The following MDGA2 variants were observed in gnomAD, a reference collection of about 807,000 sequenced individuals.
MDGA2 encodes MAM domain containing glycosylphosphatidylinositol anchor 2.
Under a neutral mutation model 117.8 loss-of-function variants are expected in MDGA2, and 40 were observed. That is an observed-to-expected ratio of 0.34 (90% CI 0.26 to 0.44). The LOEUF is 0.44. MDGA2 is among the 20% of genes least tolerant of loss of function. The pLI, the probability that MDGA2 is intolerant of heterozygous loss-of-function variation, is 1.00. For missense variants in MDGA2, 1,123 were observed against 1,250.6 expected (o/e 0.90, Z 1.54); for synonymous variants, 452 against 439.0 (o/e 1.03, Z -0.37).
At chr14:47,098,012 G>A (rs990614495) in intron 5 of MDGA2, among the ~76,000 whole-genome samples, 2 of 151,730 alleles carry the variant, frequency 1.3e-5, no homozygotes, top group Admixed American at 1.3e-4. Flanking sequence ...TGCCGTGCTA[G>A]CCTAAATAAT....
At chr14:47,403,931 G>C (rs972337818) in intron 1 of MDGA2, among the ~76,000 whole-genome samples, 4 of 152,028 alleles carry the variant, frequency 2.6e-5, no homozygotes, top group Non-Finnish European at 5.9e-5. Flanking sequence ...AGTGGGCTTT[G>C]CTAAGGCCTC....
At chr14:47,165,650 T>A (rs751053235) in intron 3 of MDGA2, among the ~76,000 whole-genome samples, 1 of 152,240 alleles carries the variant, frequency 6.6e-6, no homozygotes, top group African/African-American at 2.4e-5. Context: ...GAGCTGCTTA[T>A]ATAAATCAAA....
chr14:47,667,683 G>A (rs1247125290), intron 1 of MDGA2, among the ~76,000 whole-genome samples: 1 of 152,196 alleles, frequency 6.6e-6, no homozygotes, highest in Non-Finnish European at 1.5e-5. Context: ...GATCTCAGCT[G>A]TCTTTTGTGC....
chr14:47,236,311 A>AAAC (rs1566695130), intron 2 of MDGA2, among the ~76,000 whole-genome samples: 6 of 150,270 alleles, frequency 4.0e-5, no homozygotes, highest in Non-Finnish European at 3.0e-5. Context: ...AAAAAAAAAA[A>AAAC]AACAACACTG....
At chr14:46,924,499 T>C (rs1229862893) in intron 9 of MDGA2, among the ~76,000 whole-genome samples, 1 of 152,078 alleles carries the variant, frequency 6.6e-6, no homozygotes, top group African/African-American at 2.4e-5. Context: ...ATAGACTGTA[T>C]GAATATAAAC....
At chr14:47,055,886 T>C (rs78043555) in intron 7 of MDGA2, among the ~76,000 whole-genome samples, 1,697 of 152,200 alleles carry the variant, frequency 0.011, 31 homozygotes, top group African/African-American at 0.039. Flanking sequence ...CTTTACGAAA[T>C]GTTTGCCAGT....
intron 1 of MDGA2, among the ~76,000 whole-genome samples, chr14:47,370,151 AAC>A (rs1891314005): frequency 6.6e-6 from 1 of 152,056 alleles, no homozygotes; most frequent in Admixed American, 6.5e-5. Context: ...TAATGCATTC[AAC>A]AGTTACTCAT....
intron 10 of MDGA2, among the ~76,000 whole-genome samples, chr14:46,890,884 C>T (rs2138416858): frequency 6.6e-6 from 1 of 152,160 alleles, no homozygotes; most frequent in East Asian, 1.9e-4. Flanking sequence ...GAATCTAAAA[C>T]TTCCTACATA....
chr14:47,526,216 T>C (rs726365), intron 1 of MDGA2, among the ~76,000 whole-genome samples: 1 of 152,196 alleles, frequency 6.6e-6, no homozygotes, highest in Non-Finnish European at 1.5e-5. Context: ...TTAAATATGT[T>C]TTTTTCATTT....
intron 7 of MDGA2, among the ~76,000 whole-genome samples, chr14:47,040,157 C>T (rs986644275): frequency 1.3e-5 from 2 of 151,974 alleles, no homozygotes; most frequent in Non-Finnish European, 2.9e-5. Flanking sequence ...CATAGAGAAA[C>T]ACAGTACAAA....
At chr14:47,193,749 A>G (rs981148262) in intron 3 of MDGA2, among the ~76,000 whole-genome samples, 16 of 152,146 alleles carry the variant, frequency 1.1e-4, no homozygotes, top group Non-Finnish European at 2.1e-4. Flanking sequence ...AGAATGATAA[A>G]ATTGTGCTCC....
chr14:46,916,999 GTT>G (rs34698811), intron 10 of MDGA2, among the ~76,000 whole-genome samples: 2 of 149,500 alleles, frequency 1.3e-5, no homozygotes, highest in East Asian at 3.9e-4. Flanking sequence ...CTAGAAATAT[GTT>G]TTTTTTTTCC....
chr14:46,975,650 T>C (rs1207231520), intron 8 of MDGA2, among the ~76,000 whole-genome samples: 2 of 152,146 alleles, frequency 1.3e-5, no homozygotes, highest in African/African-American at 2.4e-5. Context: ...GTTAAACTTT[T>C]AGAGACAAAA....
chr14:46,894,233 A>C lies in MDGA2; in HGVS notation c.2239-12012T>G, dbSNP rs1053146924. Reference sequence around the variant, plus strand: ...GTAGATTAAACCAATAAACTTTCCCAGGTCATACAGTTGGTAAGAAGCAGA... The same window carrying C: ...GTAGATTAAACCAATAAACTTTCCCCGGTCATACAGTTGGTAAGAAGCAGA... On this transcript the variant is annotated intron_variant, in intron 10 of 16. Coordinates refer to ENST00000399232, the MANE Select transcript of MDGA2 (RefSeq NM_001113498.3). Among the ~76,000 whole-genome samples the C allele has an allele frequency of 5.9e-5, 9 of 152,242 alleles. No individual in the cohort carries two copies. The East Asian group carries it at 1.5e-3, about 26-fold the overall frequency.
At chr14:47,112,542 A>G (rs774180557) in intron 5 of MDGA2, among the ~76,000 whole-genome samples, 4 of 152,098 alleles carry the variant, frequency 2.6e-5, no homozygotes, top group South Asian at 2.1e-4. Flanking sequence ...AAATGGCTTT[A>G]AACTCCATCC....
intron 2 of MDGA2, among the ~76,000 whole-genome samples, chr14:47,281,205 T>TC (rs60445969): frequency 0.072 from 10,855 of 151,596 alleles, 485 homozygotes; most frequent in South Asian, 0.13. Context: ...TATTTTTTTT[T>TC]CAATTAGAAT....
intron 5 of MDGA2, among the ~76,000 whole-genome samples, chr14:47,110,113 A>G: frequency 6.6e-6 from 1 of 152,134 alleles, no homozygotes; most frequent in East Asian, 1.9e-4. Flanking sequence ...GTTTTATATT[A>G]CTAACAAGGA....
chr14:47,234,031 T>C (rs111496444), intron 2 of MDGA2, among the ~76,000 whole-genome samples: 58 of 152,210 alleles, frequency 3.8e-4, no homozygotes, highest in African/African-American at 1.4e-3. Flanking sequence ...CTAGTTCAAA[T>C]TAAAAACAGC....
rs148330737 is a variant in MDGA2, at chr14:46,884,881, C to T, written c.2239-2660G>A. On this transcript the variant is annotated intron_variant, in intron 10 of 16. Coordinates refer to ENST00000399232, the MANE Select transcript of MDGA2 (RefSeq NM_001113498.3). The surrounding 1 kb of genome is among the most constrained non-coding windows in gnomAD (Gnocchi z 4.1). The stretch of plus-strand genomic sequence containing the variant: ...GTTTTTTTTCTGAGACAGTCTCGCT[C>T]TGTCACCTAGGCTGGAGTACAATGA... Among the ~76,000 whole-genome samples, 1,519 of 151,432 alleles carry T rather than the reference C, an allele frequency of 0.01. 32 individuals are homozygous for T. The highest frequency in any genetic ancestry group is 0.034 in the African/African-American group (1,397 of 41,224).
Sources: allele counts gnomAD v4.1 joint callset (sites outside exome capture counted in the v4.1 genomes callset), GRCh38; gene constraint gnomAD v4.1.1; non-coding constraint Gnocchi (gnomAD v3.1); transcripts MANE v1.5; gene names NCBI Gene and HGNC (gene_info 2026-07-23, HGNC 2026-07-21).